PKD1L1: variants seen among roughly 807,000 people sequenced by gnomAD.
PKD1L1 encodes polycystin-1-like protein 1.
A neutral mutation model predicts 323.4 loss-of-function variants in PKD1L1; 236 were observed. The ratio of observed to expected loss-of-function variants is 0.73; its 90% CI spans 0.66 to 0.81. PKD1L1 has a LOEUF of 0.81. Among genes scored for constraint, PKD1L1 ranks in the 40% least tolerant of loss-of-function variants. The pLI, the probability that PKD1L1 is intolerant of heterozygous loss-of-function variation, is 0.00. For synonymous variants in PKD1L1, 1,344 were observed against 1,335.0 expected (o/e 1.01, Z -0.15); for missense variants, 3,320 against 3,508.0 (o/e 0.95, Z 1.35).
chr7:47,775,236 A>C, intron 56 of PKD1L1, 70 bp from the exon 57 acceptor site: 1 of 1,591,742 alleles, frequency 6.3e-7, no homozygotes, highest in Non-Finnish European at 8.6e-7. Context: ...ACAAATAGGC[A>C]GAAAGGCAGC....
intron 7 of PKD1L1, among the ~76,000 whole-genome samples, chr7:47,916,037 T>A (rs1165553577): frequency 6.6e-6 from 1 of 152,204 alleles, no homozygotes; most frequent in Non-Finnish European, 1.5e-5. Context: ...AGAATATATA[T>A]TTCCGATGCT....
intron 46 of PKD1L1, among the ~76,000 whole-genome samples, chr7:47,815,774 C>T (rs1249706900): frequency 2.0e-5 from 3 of 152,142 alleles, no homozygotes; most frequent in Admixed American, 6.5e-5. Flanking sequence ...AAAATCAATT[C>T]TCTGCCCTCC....
rs1168996992 is a variant in PKD1L1 at position 47,857,570 on chromosome 7, T to C, written c.4590+35A>G. 3 of 1,563,042 alleles carry C rather than the reference T, an allele frequency of 1.9e-6. No individual in the cohort carries two copies. In the African/African-American group the frequency reaches 4.1e-5, roughly 21 times the overall value. ...CCCAATTACTGCAAATTTGAAATGGTCATTAGAAGTGGCAGGTCATCTGTC... is the reference window on the plus strand; with the variant it reads ...CCCAATTACTGCAAATTTGAAATGGCCATTAGAAGTGGCAGGTCATCTGTC... On this transcript the variant is annotated intron_variant, in intron 28 of 56. Transcript: ENST00000289672.
chr7:47,839,550 G>A lies in PKD1L1; in HGVS notation c.5665C>T (p.Gln1889Ter), dbSNP rs1248957726. The A allele has an allele frequency of 6.2e-7, 1 of 1,609,474 alleles. No homozygotes were observed. Among genetic ancestry groups the A allele is most frequent in the Non-Finnish European group, 8.5e-7 (1 of 1,178,398 alleles). The stretch of plus-strand genomic sequence containing the variant: ...CACTGGGCAGGGAAGAACCAGCCCT[G>A]TCCCGTGTGCAGCTCCTTCACCATC... ...HVMVKELHTG[Q>*]GWFFPAQCWL... Residue 1889 changes from glutamine to a stop codon, truncating the protein, a stop_gained, in exon 36 of 57, where the codon CAG (glutamine) becomes TAG (stop). Transcript: ENST00000289672. LOFTEE classifies it high-confidence loss of function. This position sits in a 1 kb window ranked among gnomAD's most constrained non-coding sequence, Gnocchi z 4.3.
intron 56 of PKD1L1, among the ~76,000 whole-genome samples, chr7:47,786,829 G>A (rs1449121718): frequency 3.3e-5 from 5 of 152,270 alleles, no homozygotes; most frequent in Non-Finnish European, 2.9e-5. Context: ...CCCCGGCTGG[G>A]AGGTCTCTTC....
chr7:47,811,227 C>T (rs529870015), intron 50 of PKD1L1, among the ~76,000 whole-genome samples: 1 of 150,372 alleles, frequency 6.7e-6, no homozygotes, highest in Non-Finnish European at 1.5e-5. Flanking sequence ...AATCTCAGCT[C>T]ACTGCAACCT....
chr7:47,851,648 C>T (rs1423205766), intron 31 of PKD1L1, among the ~76,000 whole-genome samples: 1 of 152,072 alleles, frequency 6.6e-6, no homozygotes, highest in Non-Finnish European at 1.5e-5. Context: ...TATCATCTCA[C>T]AAAGGGGAAA....
chr7:47,780,980 C>G (rs1786679152), intron 56 of PKD1L1, among the ~76,000 whole-genome samples: 1 of 152,196 alleles, frequency 6.6e-6, no homozygotes, highest in African/African-American at 2.4e-5. Context: ...AACTGCCAAA[C>G]TATTTCCCAT....
At chr7:47,775,215 T>C (rs767370561) in intron 56 of PKD1L1, 49 bp from the exon 57 acceptor site, 4 of 1,611,446 alleles carry the variant, frequency 2.5e-6, no homozygotes, top group Non-Finnish European at 3.4e-6. Context: ...CCTCTCTCAG[T>C]GATTGACAGA....
At chr7:47,912,034 C>T (rs973492171) in intron 8 of PKD1L1, among the ~76,000 whole-genome samples, 2 of 151,190 alleles carry the variant, frequency 1.3e-5, no homozygotes, top group African/African-American at 4.9e-5. Flanking sequence ...TCAGCATGTA[C>T]AAGATACTAT....
chr7:47,807,726 C>T (rs980041497), intron 52 of PKD1L1, among the ~76,000 whole-genome samples: 6 of 152,154 alleles, frequency 3.9e-5, no homozygotes, highest in African/African-American at 1.2e-4. Flanking sequence ...CTGGTAGGAG[C>T]CCCCATCCCT....
chr7:47,852,163 C>T (rs376527690), intron 31 of PKD1L1, among the ~76,000 whole-genome samples: 3 of 152,106 alleles, frequency 2.0e-5, no homozygotes, highest in African/African-American at 7.2e-5. Flanking sequence ...AAAAACATCC[C>T]CCACCCACAT....
chr7:47,900,827 A>G (rs1029969562), intron 13 of PKD1L1, among the ~76,000 whole-genome samples: 3 of 152,256 alleles, frequency 2.0e-5, no homozygotes, highest in Non-Finnish European at 2.9e-5. Flanking sequence ...GTATGATTTA[A>G]CAGTAAGACA....
upstream of PKD1L1, among the ~76,000 whole-genome samples, chr7:47,952,477 G>A (rs950229532): frequency 1.3e-5 from 2 of 152,288 alleles, no homozygotes; most frequent in Middle Eastern, 3.4e-3. Context: ...AGCCTTCCCT[G>A]CCTCCATTAG....
intron 7 of PKD1L1, among the ~76,000 whole-genome samples, chr7:47,921,671 T>A (rs1393380331): frequency 1.3e-5 from 1 of 74,118 alleles, no homozygotes; most frequent in Non-Finnish European, 2.4e-5. Flanking sequence ...ATAAAGAAAC[T>A]GTGATATATA....
chr7:47,937,388 C>T (rs2686823), intron 3 of PKD1L1, among the ~76,000 whole-genome samples: 80,641 of 151,876 alleles, frequency 0.53, 21,510 homozygotes, highest in African/African-American at 0.57. Context: ...ACCTGCTTCA[C>T]TGCAGGAGCA....
chr7:47,777,192 G>C (rs1291339078), intron 56 of PKD1L1, among the ~76,000 whole-genome samples: 1 of 152,192 alleles, frequency 6.6e-6, no homozygotes, highest in East Asian at 1.9e-4. Context: ...ACACCCGGCT[G>C]ACACTTAAAT....
chr7:47,912,933 G>C (rs1341266246), intron 8 of PKD1L1, among the ~76,000 whole-genome samples: 1 of 151,406 alleles, frequency 6.6e-6, no homozygotes, highest in African/African-American at 2.4e-5. Flanking sequence ...AGGTAAGAAA[G>C]ACAGAATGGA....
chr7:47,817,168 T>C (rs925954109), intron 46 of PKD1L1, among the ~76,000 whole-genome samples: 3 of 152,022 alleles, frequency 2.0e-5, no homozygotes, highest in Non-Finnish European at 4.4e-5. Flanking sequence ...GAGGCAGAGG[T>C]TGCAGTGAGT....
Sources: allele counts gnomAD v4.1 joint callset (sites outside exome capture counted in the v4.1 genomes callset), GRCh38; gene constraint gnomAD v4.1.1; non-coding constraint Gnocchi (gnomAD v3.1); transcripts MANE v1.5; gene names NCBI Gene and HGNC (gene_info 2026-07-23, HGNC 2026-07-21).